Variants in CCDC30 observed in about 807,000 individuals in gnomAD.
The protein encoded by CCDC30 is coiled-coil domain containing 30.
Under a neutral mutation model 100.2 loss-of-function variants are expected in CCDC30, and 70 were observed. The observed-to-expected ratio is 0.70, with a 90% CI of 0.58 to 0.85. CCDC30 has a LOEUF of 0.85. Ranked by LOEUF, CCDC30 falls within the 40% of genes least tolerant of loss-of-function variation. CCDC30 has a pLI of 0.00. For synonymous variants in CCDC30, 233 were observed against 269.5 expected (o/e 0.86, Z 1.33); for missense variants, 652 against 771.2 (o/e 0.85, Z 1.83).
At chr1:42,524,262 T>C (rs1456377484) in intron 6 of CCDC30, among the ~76,000 whole-genome samples, 5 of 152,184 alleles carry the variant, frequency 3.3e-5, no homozygotes. Context: ...TTTTGTTTTT[T>C]ATTGTTGTGG....
intron 6 of CCDC30, among the ~76,000 whole-genome samples, chr1:42,515,692 T>C (rs1412949878): frequency 6.6e-6 from 1 of 152,212 alleles, no homozygotes; most frequent in African/African-American, 2.4e-5. Flanking sequence ...TTTGTTATAA[T>C]AGTCCAAAGG....
At chr1:42,633,147 C>T (rs1057414079) in intron 11 of CCDC30, among the ~76,000 whole-genome samples, 1 of 152,078 alleles carries the variant, frequency 6.6e-6, no homozygotes, top group African/African-American at 2.4e-5. Flanking sequence ...ATTTCAAGAA[C>T]AGAAAATAAT....
intron 1 of CCDC30, among the ~76,000 whole-genome samples, chr1:42,466,261 C>T (rs1449121325): frequency 1.3e-5 from 2 of 152,138 alleles, no homozygotes; most frequent in African/African-American, 4.8e-5. Context: ...TGCTCAGAGG[C>T]AGGAGATGTG....
chr1:42,539,658 A>C (rs1366394948), intron 6 of CCDC30, among the ~76,000 whole-genome samples: 1 of 152,176 alleles, frequency 6.6e-6, no homozygotes, highest in African/African-American at 2.4e-5. Context: ...ATCTTTCTAT[A>C]ATGTAAAAGA....
chr1:42,472,476 A>G (rs1643802860), intron 1 of CCDC30, among the ~76,000 whole-genome samples: 1 of 152,172 alleles, frequency 6.6e-6, no homozygotes, highest in African/African-American at 2.4e-5. Context: ...TGAGTAAAAT[A>G]AATCCTGGAT....
At chr1:42,653,270 A>T (rs909397507) in intron 15 of CCDC30, 106 bp from the exon 20 acceptor site, 1 of 537,778 alleles carries the variant, frequency 1.9e-6, no homozygotes, top group Non-Finnish European at 3.2e-6. Flanking sequence ...CATTGTTTGT[A>T]CTATGTGCAG....
intron 11 of CCDC30, among the ~76,000 whole-genome samples, chr1:42,613,707 T>A (rs1213229851): frequency 6.6e-6 from 1 of 152,188 alleles, no homozygotes; most frequent in East Asian, 1.9e-4. Flanking sequence ...GCTAATACAT[T>A]ATAATTAGCA....
At chr1:42,489,362 G>C (rs996507596) in intron 3 of CCDC30, among the ~76,000 whole-genome samples, 6 of 152,216 alleles carry the variant, frequency 3.9e-5, no homozygotes, top group African/African-American at 1.4e-4. Flanking sequence ...TATGGTAACA[G>C]CAGTAGTAAT....
intron 12 of CCDC30, among the ~76,000 whole-genome samples, chr1:42,639,888 C>A (rs1471705840): frequency 1.3e-5 from 2 of 150,816 alleles, no homozygotes; most frequent in African/African-American, 4.9e-5. Context: ...ATTGCTTGAA[C>A]CAGGGAGATA....
At chr1:42,618,783 C>T (rs1646775416) in intron 11 of CCDC30, among the ~76,000 whole-genome samples, 3 of 152,152 alleles carry the variant, frequency 2.0e-5, no homozygotes, top group African/African-American at 7.2e-5. Flanking sequence ...AACATGTTTC[C>T]CTTATCCACA....
rs1031450022 is a variant in CCDC30, at chr1:42,596,086, G to A, written c.1164+6603G>A. ...GAGAAGAGAGGTCACAGTCCAAACC[G>A]CTACCCCGAAAATTAGAGATACCTA... On this transcript the variant is annotated intron_variant, in intron 10 of 16. Transcript: ENST00000668663. The surrounding 1 kb of genome is among the most constrained non-coding windows in gnomAD (Gnocchi z 4.3). Among the ~76,000 whole-genome samples, 1 of 152,106 alleles carries A rather than the reference G, an allele frequency of 6.6e-6. No homozygotes were observed. Among genetic ancestry groups the A allele is most frequent in the South Asian group, 2.1e-4 (1 of 4,830 alleles).
At chr1:42,530,640 T>C (rs765536472) in intron 6 of CCDC30, among the ~76,000 whole-genome samples, 1 of 152,102 alleles carries the variant, frequency 6.6e-6, no homozygotes, top group Non-Finnish European at 1.5e-5. Flanking sequence ...ATGAGACTCA[T>C]CTCTCAATTT....
chr1:42,467,614 G>A (rs1447135461), intron 1 of CCDC30: 2 of 152,316 alleles, frequency 1.3e-5, no homozygotes, highest in Non-Finnish European at 2.9e-5. Flanking sequence ...ACACGCATTG[G>A]TCTTAAACAG....
At chr1:42,547,623 C>T (rs962317026) in intron 6 of CCDC30, among the ~76,000 whole-genome samples, 1 of 152,160 alleles carries the variant, frequency 6.6e-6, no homozygotes, top group Admixed American at 6.5e-5. Context: ...GTTTCCAGGA[C>T]TTGGTCCAAT....
At chr1:42,489,009 C>T (rs762626877) in intron 3 of CCDC30, among the ~76,000 whole-genome samples, 5 of 143,454 alleles carry the variant, frequency 3.5e-5, no homozygotes, top group African/African-American at 1.3e-4. Flanking sequence ...CCTCCTATGT[C>T]GTCTCCTTTG....
At chr1:42,539,247 C>G in intron 6 of CCDC30, 1 of 1,609,946 alleles carries the variant, frequency 6.2e-7, no homozygotes, top group Non-Finnish European at 8.5e-7. Flanking sequence ...AATCAGAAAG[C>G]AAAGACCATT....
intron 10 of CCDC30, among the ~76,000 whole-genome samples, chr1:42,609,086 A>G (rs1401226515): frequency 6.6e-6 from 1 of 152,178 alleles, no homozygotes; most frequent in African/African-American, 2.4e-5. Context: ...GTAAAGTTAT[A>G]CTGAGTGTCC....
At chr1:42,490,415 A>T (rs1306027148) in intron 4 of CCDC30, among the ~76,000 whole-genome samples, 186 bp downstream of exon 4, 16 of 151,436 alleles carry the variant, frequency 1.1e-4, no homozygotes, top group Admixed American at 2.6e-4. Flanking sequence ...TAAATTTTTT[A>T]AAAAATTATT....
intron 1 of CCDC30, among the ~76,000 whole-genome samples, chr1:42,475,680 T>C (rs754128380): frequency 1.3e-5 from 2 of 152,228 alleles, no homozygotes; most frequent in Non-Finnish European, 2.9e-5. Flanking sequence ...AAAAAGTATG[T>C]ATTCTGAAAT....
Sources: allele counts gnomAD v4.1 joint callset (sites outside exome capture counted in the v4.1 genomes callset), GRCh38; gene constraint gnomAD v4.1.1; non-coding constraint Gnocchi (gnomAD v3.1); transcripts MANE v1.5; gene names NCBI Gene and HGNC (gene_info 2026-07-23, HGNC 2026-07-21).